The following SCML2 variants were observed in gnomAD, a reference collection of about 807,000 sequenced individuals.
The protein encoded by SCML2 is Scm polycomb group protein like 2, also known as sex comb on midleg-like protein 2.
SCML2 carries 6 observed loss-of-function variants against 48.4 expected under a neutral mutation model. That is an observed-to-expected ratio of 0.12 (90% CI 0.07 to 0.24). SCML2 has a LOEUF of 0.24. Ranked by LOEUF, SCML2 falls within the 10% of genes least tolerant of loss-of-function variation. SCML2 has a pLI of 1.00. For synonymous variants in SCML2, 181 were observed against 189.5 expected (o/e 0.95, Z 0.37); for missense variants, 377 against 528.2 (o/e 0.71, Z 2.81).
chrX:18,277,003 TA>T (rs1197864598), intron 7 of SCML2, among the ~76,000 whole-genome samples: 38 of 100,225 alleles, frequency 3.8e-4, no homozygotes, highest in East Asian at 2.5e-3. Flanking sequence ...TCACCACATC[TA>T]AAAAAAAAAA....
At chrX:18,299,246 G>A (rs1928496701) in intron 7 of SCML2, among the ~76,000 whole-genome samples, 1 of 111,511 alleles carries the variant, frequency 9.0e-6, no homozygotes, top group South Asian at 3.7e-4. Flanking sequence ...GGGCAAGGTG[G>A]CTCACGCCTG....
chrX:18,240,196 A>C lies in SCML2; in HGVS notation c.*1055T>G, dbSNP rs1378961373. ...TGGTGATAGCAAACGATGGACATAT[A>C]TTTTTTACGAAATCAAAACATCTAA... is the stretch of plus-strand genomic sequence containing the variant. On this transcript the variant is annotated 3_prime_UTR_variant, in exon 15 of 15. Coordinates refer to ENST00000251900, the MANE Select transcript of SCML2 (RefSeq NM_006089.3). 8.9e-6 allele frequency: 1 copy of C among 111,800 alleles called. No individual in the cohort carries two copies. The highest frequency in any genetic ancestry group is 1.9e-5 in the Non-Finnish European group (1 of 53,201). 9.2% of individuals were successfully genotyped at this position (111,800 alleles called of 1,213,427 possible). A position where few individuals can be genotyped will look rare whatever the true frequency, so the allele number is the denominator to read the frequency against.
chrX:18,317,708 C>A (rs2147535278), intron 6 of SCML2, among the ~76,000 whole-genome samples: 3 of 108,935 alleles, frequency 2.8e-5, no homozygotes, highest in African/African-American at 1.0e-4. Flanking sequence ...GTAGCAGGCG[C>A]CTGTAGTCCC....
At chrX:18,270,666 C>A (rs1014367202) in intron 7 of SCML2, among the ~76,000 whole-genome samples, 10 of 111,264 alleles carry the variant, frequency 9.0e-5, no homozygotes, top group African/African-American at 3.3e-4. Flanking sequence ...CAGGAGCAAT[C>A]ATATAACATA....
intron 13 of SCML2, 68 bp downstream of exon 13, chrX:18,246,509 A>G: frequency 9.1e-7 from 1 of 1,097,592 alleles, no homozygotes; most frequent in Non-Finnish European, 1.2e-6. Flanking sequence ...CTCTCAGGGG[A>G]TGCTGTTAGG....
intron 7 of SCML2, among the ~76,000 whole-genome samples, chrX:18,285,796 G>T (rs924096249): frequency 9.0e-6 from 1 of 111,368 alleles, no homozygotes; most frequent in South Asian, 3.8e-4. Context: ...ACCAAATATT[G>T]GTGGAGTACC....
rs182300095 is a variant in SCML2 at position 18,293,381 on chromosome X, G to A, written c.730+11591C>T. 4.5e-5 allele frequency among the ~76,000 whole-genome samples: 5 copies of A among 110,972 alleles called. No individual in the cohort carries two copies. In the East Asian group the frequency reaches 1.1e-3, roughly 25 times the overall value. ...ACACATGCATTATCTTTGGGTGAAC[G>A]CCAACTACAAGTTTTTAACCATACT... On this transcript the variant is annotated intron_variant, in intron 7 of 14. Coordinates refer to ENST00000251900, the MANE Select transcript of SCML2 (RefSeq NM_006089.3).
At chrX:18,243,405 A>C (rs1483955496) in intron 13 of SCML2, among the ~76,000 whole-genome samples, 1 of 111,807 alleles carries the variant, frequency 8.9e-6, no homozygotes, top group African/African-American at 3.2e-5. Flanking sequence ...AAATGTGTTC[A>C]CTTTAATCAA....
intron 3 of SCML2, among the ~76,000 whole-genome samples, chrX:18,326,181 A>T (rs923591831): frequency 1.1e-4 from 12 of 112,370 alleles, no homozygotes; most frequent in Non-Finnish European, 7.5e-5. Context: ...CCACCATTAC[A>T]TATGTGTGTA....
chrX:18,260,409 C>T, intron 8 of SCML2, 118 bp from the exon 9 acceptor site: 2 of 624,077 alleles, frequency 3.2e-6, no homozygotes, highest in Non-Finnish European at 4.5e-6. Context: ...TATCAGAAGT[C>T]CTCAGGTTGG....
intron 1 of SCML2, among the ~76,000 whole-genome samples, chrX:18,353,234 C>T (rs1939771455): frequency 9.0e-6 from 1 of 110,981 alleles, no homozygotes; most frequent in Admixed American, 9.6e-5. Flanking sequence ...AAGGCAAAAT[C>T]GTCATTATTG....
At chrX:18,321,055 A>G (rs778751043) in intron 5 of SCML2, among the ~76,000 whole-genome samples, 1 of 111,938 alleles carries the variant, frequency 8.9e-6, no homozygotes, top group Non-Finnish European at 1.9e-5. Context: ...GATATGTGAT[A>G]AAGTAAATAT....
rs766411444 is a variant in SCML2, at chrX:18,349,362, T to C, written c.-25+5230A>G. ...CACAGCTTATTCTATAAGTTTTAAC[T>C]CTTCAAATAAGGAATTCATGTAGTC... On this transcript the variant is annotated intron_variant, in intron 1 of 14. Coordinates refer to ENST00000251900, the MANE Select transcript of SCML2 (RefSeq NM_006089.3). 1.8e-3 allele frequency among the ~76,000 whole-genome samples: 203 copies of C among 112,706 alleles called. 1 individual carries two copies. Among genetic ancestry groups the C allele is most frequent in the Non-Finnish European group, 2.9e-3 (156 of 53,363 alleles).
chrX:18,347,412 C>T (rs1413278356), intron 1 of SCML2, among the ~76,000 whole-genome samples: 2 of 107,195 alleles, frequency 1.9e-5, no homozygotes, highest in African/African-American at 6.8e-5. Flanking sequence ...GCCATTGCAC[C>T]CCAGCCTGAG....
chrX:18,277,102 A>G (rs1444860095), intron 7 of SCML2, among the ~76,000 whole-genome samples: 1 of 111,252 alleles, frequency 9.0e-6, no homozygotes, highest in East Asian at 2.8e-4. Flanking sequence ...CAAGGTTCTC[A>G]CTCTGTCACC....
intron 13 of SCML2, 125 bp from the exon 14 acceptor site, chrX:18,242,715 C>T: frequency 2.9e-6 from 2 of 686,004 alleles, no homozygotes; most frequent in African/African-American, 2.2e-5. Flanking sequence ...AACAAGGTCT[C>T]AAGACTCCAA....
At chrX:18,304,207 T>C (rs1203803507) in intron 7 of SCML2, among the ~76,000 whole-genome samples, 1 of 111,372 alleles carries the variant, frequency 9.0e-6, no homozygotes, top group Non-Finnish European at 1.9e-5. Flanking sequence ...GCCCGGCTAA[T>C]TGAATCCCAC....
At chrX:18,345,798 C>G (rs1275119379) in intron 1 of SCML2, among the ~76,000 whole-genome samples, 1 of 110,447 alleles carries the variant, frequency 9.1e-6, no homozygotes, top group Admixed American at 9.7e-5. Context: ...CTCACTGCAG[C>G]CTGACCTCCC....
chrX:18,260,977 G>A (rs1927041678), intron 8 of SCML2, among the ~76,000 whole-genome samples: 1 of 109,397 alleles, frequency 9.1e-6, no homozygotes, highest in Admixed American at 9.6e-5. Context: ...GGACTCCTGT[G>A]CATAGAAAAG....
Sources: allele counts gnomAD v4.1 joint callset (sites outside exome capture counted in the v4.1 genomes callset), GRCh38; gene constraint gnomAD v4.1.1; transcripts MANE v1.5; gene names NCBI Gene and HGNC (gene_info 2026-07-23, HGNC 2026-07-21).